The following PLXNA2 variants were observed in gnomAD, a reference collection of about 807,000 sequenced individuals.
The protein encoded by PLXNA2 is plexin A2.
PLXNA2 carries 91 observed loss-of-function variants against 193.5 expected under a neutral mutation model. That is an observed-to-expected ratio of 0.47 (90% CI 0.40 to 0.56). The LOEUF (loss-of-function observed/expected upper bound fraction) is 0.56, where lower values mean the gene tolerates loss of function less well. PLXNA2 is among the 20% of genes least tolerant of loss of function. The pLI is 0.00. For synonymous variants in PLXNA2, 997 were observed against 1,027.3 expected, an observed-to-expected ratio of 0.97 and a Z score of 0.56; for missense variants, 1,995 against 2,503.2, an observed-to-expected ratio of 0.80 and a Z score of 4.33.
chr1:208,231,224 G>A (rs1428685471), intron 1 of PLXNA2, among the ~76,000 whole-genome samples: 2 of 152,150 alleles, frequency 1.3e-5, no homozygotes, highest in East Asian at 3.9e-4. Context: ...GCAGGCCGGG[G>A]AGGGAGGACC....
chr1:208,110,021 G>A (rs1257585620), intron 4 of PLXNA2, among the ~76,000 whole-genome samples: 3 of 152,216 alleles, frequency 2.0e-5, no homozygotes, highest in Non-Finnish European at 2.9e-5. Context: ...TTGATTTTCT[G>A]TAGATTTTCT....
chr1:208,060,378 A>G (rs992131447), intron 13 of PLXNA2, among the ~76,000 whole-genome samples: 2 of 152,190 alleles, frequency 1.3e-5, no homozygotes, highest in Middle Eastern at 3.2e-3. Context: ...TGACAGGGGA[A>G]GGGCTGGGGG....
rs1664972751 is a variant in PLXNA2, at chr1:208,044,150, G to C, written c.3874+358C>G. On this transcript the variant is annotated intron_variant, in intron 20 of 31. Transcript: ENST00000367033. The surrounding 1 kb of genome is among the most constrained non-coding windows in gnomAD (Gnocchi z 4.9). ...GCGAAGACAGTGTGCAGAAAAACAA[G>C]AGCTGGACACTCCCATGGGGGATCT... Among the ~76,000 whole-genome samples, 1 of 152,230 alleles carries C rather than the reference G, an allele frequency of 6.6e-6. No homozygotes were observed. The highest frequency in any genetic ancestry group is 6.5e-5 in the Admixed American group (1 of 15,272).
intron 3 of PLXNA2, among the ~76,000 whole-genome samples, chr1:208,200,423 T>C (rs749909404): frequency 3.3e-5 from 5 of 152,106 alleles, no homozygotes; most frequent in Non-Finnish European, 7.4e-5. Context: ...GTGACTTAGG[T>C]ATATGCTGGG....
At chr1:208,108,370 G>T (rs1667342767) in intron 4 of PLXNA2, among the ~76,000 whole-genome samples, 1 of 152,168 alleles carries the variant, frequency 6.6e-6, no homozygotes, top group African/African-American at 2.4e-5. Context: ...GGCCCTAAGA[G>T]TGAGTCATCC....
At chr1:208,065,256 C>T (rs1366906552) in intron 12 of PLXNA2, among the ~76,000 whole-genome samples, 1 of 152,198 alleles carries the variant, frequency 6.6e-6, no homozygotes, top group African/African-American at 2.4e-5. Context: ...CTCTATGCTG[C>T]TGGCTACAGT....
intron 3 of PLXNA2, among the ~76,000 whole-genome samples, chr1:208,175,829 CA>C (rs1314467943): frequency 6.6e-6 from 1 of 152,112 alleles, no homozygotes; most frequent in African/African-American, 2.4e-5. Context: ...ACCTGATAGC[CA>C]GAGAAAGAAG....
intron 8 of PLXNA2, among the ~76,000 whole-genome samples, chr1:208,095,732 T>C (rs967315414): frequency 2.0e-5 from 3 of 152,274 alleles, no homozygotes; most frequent in Admixed American, 1.3e-4. Context: ...ATGAAGAACT[T>C]TTTTTACGGT....
chr1:208,105,360 G>C (rs1460860097), intron 4 of PLXNA2, among the ~76,000 whole-genome samples: 1 of 152,242 alleles, frequency 6.6e-6, no homozygotes, highest in Non-Finnish European at 1.5e-5. Context: ...GCCTATCACA[G>C]GGATGCATAA....
intron 12 of PLXNA2, among the ~76,000 whole-genome samples, chr1:208,070,751 A>G (rs1175868602): frequency 1.3e-5 from 2 of 152,270 alleles, no homozygotes; most frequent in Non-Finnish European, 2.9e-5. Flanking sequence ...GTCTAATGAC[A>G]ATACTAACTT....
chr1:208,022,532 T>G lies in PLXNA2; in HGVS notation c.*4711A>C, dbSNP rs573442054. ...TTCCAGTGTGTCAAGAGGAGTGGGT[T>G]TGAGCAGGAAAAGTTGTGGGGAAAG... On this transcript the variant is annotated 3_prime_UTR_variant, in exon 32 of 32. Transcript: ENST00000367033. The G allele has an allele frequency of 6.5e-6, 1 of 152,740 alleles. No individual in the cohort carries two copies. The highest frequency in any genetic ancestry group is 2.1e-4 in the South Asian group (1 of 4,824). The allele number at this position is 152,740 out of a possible 1,614,324, so 9.5% of individuals were successfully genotyped here. A position where few individuals can be genotyped will look rare whatever the true frequency, so the allele number is the denominator to read the frequency against.
At chr1:208,081,377 G>T (rs183095362) in intron 11 of PLXNA2, among the ~76,000 whole-genome samples, 2 of 152,316 alleles carry the variant, frequency 1.3e-5, no homozygotes, top group Admixed American at 6.5e-5. Flanking sequence ...CATCTCCATT[G>T]GCTGATCCGT....
At chr1:208,102,503 T>G in intron 5 of PLXNA2, among the ~76,000 whole-genome samples, 1 of 152,244 alleles carries the variant, frequency 6.6e-6, no homozygotes, top group East Asian at 1.9e-4. Flanking sequence ...AAGTGAGATG[T>G]GAACTTCTTA....
At chr1:208,083,661 T>C (rs1174660111) in intron 10 of PLXNA2, among the ~76,000 whole-genome samples, 1 of 151,720 alleles carries the variant, frequency 6.6e-6, no homozygotes, top group Non-Finnish European at 1.5e-5. Flanking sequence ...CCCTCCCTCA[T>C]CTCCAGCTGA....
intron 13 of PLXNA2, among the ~76,000 whole-genome samples, chr1:208,056,533 G>C (rs1402324130): frequency 1.3e-5 from 2 of 152,234 alleles, no homozygotes; most frequent in African/African-American, 2.4e-5. Context: ...AGCTGCCCCT[G>C]TGTGGAGCTA....
chr1:208,137,145 G>A (rs1013209125), intron 4 of PLXNA2, among the ~76,000 whole-genome samples: 3 of 152,060 alleles, frequency 2.0e-5, no homozygotes, highest in African/African-American at 4.8e-5. Context: ...CCATGCCCCA[G>A]CACCCACTCC....
In PLXNA2 at chr1:208,227,492, T is replaced by G. The variant is rs557971429; in HGVS notation, c.-80-9490A>C. 3.9e-5 allele frequency among the ~76,000 whole-genome samples: 6 copies of G among 152,296 alleles called. No individual in the cohort carries two copies. The East Asian group carries it at 1.2e-3, about 29-fold the overall frequency. On this transcript the variant is annotated intron_variant, in intron 1 of 31. Transcript: ENST00000367033. Reference sequence around the variant, plus strand: ...CACTGCCTAGATTTTTAAGACTTATTTTTCAGCCAAACCTTCTTATCACTG... The same window carrying G: ...CACTGCCTAGATTTTTAAGACTTATGTTTCAGCCAAACCTTCTTATCACTG...
chr1:208,188,925 C>G (rs1302296302), intron 3 of PLXNA2, among the ~76,000 whole-genome samples: 1 of 152,110 alleles, frequency 6.6e-6, no homozygotes, highest in African/African-American at 2.4e-5. Flanking sequence ...CTTATGTACT[C>G]CAGCCCCAGA....
intron 5 of PLXNA2, among the ~76,000 whole-genome samples, chr1:208,100,448 C>T (rs1033523522): frequency 2.0e-5 from 3 of 152,074 alleles, no homozygotes; most frequent in African/African-American, 4.8e-5. Context: ...AATGGCCTGG[C>T]GCATAGTAGG....
Sources: allele counts gnomAD v4.1 joint callset (sites outside exome capture counted in the v4.1 genomes callset), GRCh38; gene constraint gnomAD v4.1.1; non-coding constraint Gnocchi (gnomAD v3.1); transcripts MANE v1.5; gene names NCBI Gene and HGNC (gene_info 2026-07-23, HGNC 2026-07-21).